The following BAZ2B variants were observed in gnomAD, a reference collection of about 807,000 sequenced individuals.
The protein encoded by BAZ2B is bromodomain adjacent to zinc finger domain 2B, also known as bromodomain adjacent to zinc finger domain protein 2B.
BAZ2B carries 91 observed loss-of-function variants against 246.0 expected under a neutral mutation model. The ratio of observed to expected loss-of-function variants is 0.37; its 90% confidence interval spans 0.31 to 0.44. The LOEUF is 0.44. Among genes scored for constraint, BAZ2B ranks in the 20% least tolerant of loss-of-function variants. The pLI is 1.00. For missense variants in BAZ2B, 2,332 were observed against 2,533.7 expected, an observed-to-expected ratio of 0.92 and a Z score of 1.71; for synonymous variants, 855 against 860.0, an observed-to-expected ratio of 0.99 and a Z score of 0.10.
chr2:159,563,337 T>A (rs545129111), intron 1 of BAZ2B, among the ~76,000 whole-genome samples: 21 of 152,282 alleles, frequency 1.4e-4, no homozygotes, highest in African/African-American at 4.8e-4. Context: ...AGGCAATCTA[T>A]CAGTATTTCT....
At chr2:159,707,460 G>A in the BAZ2B span, among the ~76,000 whole-genome samples, 1,066 of 152,216 alleles carry the variant, frequency 7.0e-3, 12 homozygotes, top group African/African-American at 0.024. Context: ...GGAGGCCAAG[G>A]TGGGAGGATC....
intron 18 of BAZ2B, among the ~76,000 whole-genome samples, chr2:159,397,879 C>T (rs1231218465): frequency 2.0e-5 from 3 of 151,828 alleles, no homozygotes; most frequent in African/African-American, 4.8e-5. Context: ...CTATACACTA[C>T]GTATGAATTA....
At chr2:159,587,769 G>A (rs765765927) in intron 1 of BAZ2B, among the ~76,000 whole-genome samples, 10 of 152,004 alleles carry the variant, frequency 6.6e-5, no homozygotes, top group South Asian at 4.1e-4. Context: ...ACTAGTCTGC[G>A]AACAGAAAGA....
the BAZ2B span, chr2:159,690,018 T>C: frequency 1.2e-5 from 5 of 411,586 alleles, no homozygotes; most frequent in Non-Finnish European, 1.8e-5. Flanking sequence ...GTAAGATCCA[T>C]GACATGGAAG....
upstream of BAZ2B, among the ~76,000 whole-genome samples, chr2:159,620,002 G>GT (rs1398993342): frequency 1.3e-5 from 2 of 152,280 alleles, no homozygotes; most frequent in East Asian, 3.9e-4. Context: ...AATTAACTCT[G>GT]AAATTCTATA....
the BAZ2B span, among the ~76,000 whole-genome samples, chr2:159,709,066 G>A: frequency 6.6e-6 from 1 of 151,782 alleles, no homozygotes; most frequent in South Asian, 2.1e-4. Context: ...TTACATCAAA[G>A]ACTTAGAACA....
rs566991481 is a variant in BAZ2B at position 159,386,341 on chromosome 2, GT to G, written c.3471+11del. On this transcript the variant is annotated intron_variant, in intron 22 of 36. Transcript: ENST00000392783. The stretch of plus-strand genomic sequence containing the variant: ...ACAAATTTAAAACATTTTATATTTT[GT>G]TTTTTTTTACCTTGTATCCTGTTAT... 3.5e-5 allele frequency: 56 copies of G among 1,579,126 alleles called. No individual in the cohort carries two copies. Among genetic ancestry groups the G allele is most frequent in the East Asian group, 2.5e-4 (11 of 44,166 alleles).
chr2:159,698,421 T>C, the BAZ2B span, among the ~76,000 whole-genome samples: 2 of 151,244 alleles, frequency 1.3e-5, no homozygotes, highest in Non-Finnish European at 2.9e-5. Context: ...CTCAGATGAC[T>C]TGAGCCCAGG....
At chr2:159,702,973 G>A in the BAZ2B span, among the ~76,000 whole-genome samples, 6 of 152,086 alleles carry the variant, frequency 3.9e-5, no homozygotes, top group Non-Finnish European at 8.8e-5. Context: ...GAACCCAGGA[G>A]GTGGAGCTTG....
chr2:159,438,452 A>G lies in BAZ2B; in HGVS notation c.1144T>C (p.Ser382Pro). ...ACCAAAGATAAAGGTTTCACATTGG[A>G]CACCAATCCCGTAGACTGTATTACA... is the stretch of plus-strand genomic sequence containing the variant. ...TSVIQSTGLV[S>P]NVKPLSLVNQ... Residue 382 changes from serine (S) to proline (P), a missense_variant, in exon 8 of 37, where the codon TCC becomes CCC. Physicochemically the swap from Ser to Pro is moderately conservative, Grantham distance 74. Coordinates refer to ENST00000392783, the MANE Select transcript of BAZ2B (RefSeq NM_013450.4). 1 of 1,614,180 alleles carries G rather than the reference A, an allele frequency of 6.2e-7. No individual in the cohort carries two copies. Among genetic ancestry groups the G allele is most frequent in the Non-Finnish European group, 8.5e-7 (1 of 1,180,028 alleles).
At chr2:159,642,493 C>T in the BAZ2B span, among the ~76,000 whole-genome samples, 2 of 152,094 alleles carry the variant, frequency 1.3e-5, no homozygotes, top group South Asian at 4.1e-4. Flanking sequence ...CCCGCCTCGG[C>T]CTCCCAAAGT....
intron 1 of BAZ2B, among the ~76,000 whole-genome samples, chr2:159,557,218 TAA>T (rs1170715491): frequency 7.5e-6 from 1 of 133,016 alleles, no homozygotes. Flanking sequence ...CCTGGCTAAT[TAA>T]TTTTTTTTTT....
At chr2:159,462,930 T>C in intron 3 of BAZ2B, 1 of 1,415,078 alleles carries the variant, frequency 7.1e-7, no homozygotes, top group Non-Finnish European at 1.0e-6. Flanking sequence ...TTGTTTTGGC[T>C]GGGGGTCACT....
At chr2:159,366,909 A>C (rs1469308304) in intron 27 of BAZ2B, among the ~76,000 whole-genome samples, 1 of 152,046 alleles carries the variant, frequency 6.6e-6, no homozygotes, top group Non-Finnish European at 1.5e-5. Flanking sequence ...AGCCACACCA[A>C]GGGTCAGGGG....
chr2:159,372,908 C>G, intron 27 of BAZ2B, 137 bp downstream of exon 27: 1 of 1,038,040 alleles, frequency 9.6e-7, no homozygotes, highest in South Asian at 1.8e-5. Flanking sequence ...ATTATGAGTG[C>G]AAAAGGAATG....
Position 159,538,328 on chromosome 2 carries a change from C to T in BAZ2B, c.-3+17495G>A, listed in dbSNP as rs147078551. ...TTTTTATCATTTCTTTTAATACTCA[C>T]TGTATATATGAAATATTTGCACAAC... On this transcript the variant is annotated intron_variant, in intron 2 of 36. Coordinates refer to ENST00000392783, the MANE Select transcript of BAZ2B (RefSeq NM_013450.4). 4.6e-3 allele frequency among the ~76,000 whole-genome samples: 701 copies of T among 152,292 alleles called. 5 individuals are homozygous for T. Among genetic ancestry groups the T allele is most frequent in the African/African-American group, 0.016 (666 of 41,552 alleles).
At chr2:159,605,847 C>T (rs924864439) in intron 1 of BAZ2B, among the ~76,000 whole-genome samples, 4 of 152,328 alleles carry the variant, frequency 2.6e-5, no homozygotes, top group Non-Finnish European at 4.4e-5. Flanking sequence ...AACATTTTCA[C>T]GTTCTTTAAA....
chr2:159,538,143 C>T (rs956013899), intron 2 of BAZ2B, among the ~76,000 whole-genome samples: 20 of 152,198 alleles, frequency 1.3e-4, no homozygotes, highest in South Asian at 2.1e-4. Context: ...ACTACAGGTA[C>T]GCACCACCAT....
intron 1 of BAZ2B, among the ~76,000 whole-genome samples, chr2:159,572,452 T>A (rs537480151): frequency 3.3e-5 from 5 of 152,300 alleles, no homozygotes; most frequent in Admixed American, 6.5e-5. Context: ...ACTGTCAGAA[T>A]GGAATTAAAT....
Sources: allele counts gnomAD v4.1 joint callset (sites outside exome capture counted in the v4.1 genomes callset), GRCh38; gene constraint gnomAD v4.1.1; transcripts MANE v1.5; gene names NCBI Gene and HGNC (gene_info 2026-07-23, HGNC 2026-07-21).